CD36: variants seen among roughly 807,000 people sequenced by gnomAD.
The protein encoded by CD36 is platelet glycoprotein 4.
A neutral mutation model predicts 55.2 loss-of-function variants in CD36; 119 were observed. The observed-to-expected ratio is 2.15, with a 90% confidence interval of 1.86 to 2.51. CD36 has a LOEUF of 2.51. Ranked by LOEUF, CD36 falls within the 30% of genes most tolerant of loss-of-function variation. The pLI, the probability that CD36 is intolerant of heterozygous loss-of-function variation, is 0.00. For synonymous variants in CD36, 186 were observed against 193.6 expected (o/e 0.96, Z 0.33); for missense variants, 819 against 555.5 (o/e 1.47, Z -4.77).
At chr7:80,602,465 T>A (rs1323120265) in intron 1 of CD36, 1 of 152,154 alleles carries the variant, frequency 6.6e-6, no homozygotes, top group African/African-American at 2.4e-5. Flanking sequence ...ACTATTATTT[T>A]TGGGCTCTCT....
chr7:80,676,805 T>A lies in CD36; in HGVS notation c.*422T>A, dbSNP rs907418038. On this transcript the variant is annotated 3_prime_UTR_variant, in exon 15 of 15. Transcript: ENST00000447544. Reference sequence around the variant, plus strand: ...CCTCTTCTGGAAATTGAGTAAATTTTGCTTTTTTTTTTTTACTCAGTTGCA... The same window carrying A: ...CCTCTTCTGGAAATTGAGTAAATTTAGCTTTTTTTTTTTTACTCAGTTGCA... 3 of 151,862 alleles carry A rather than the reference T, an allele frequency of 2.0e-5. No individual in the cohort carries two copies. The allele number at this position is 151,862 out of a possible 1,614,324, so 9.4% of individuals were successfully genotyped here. A position where few individuals can be genotyped will look rare whatever the true frequency, so the allele number is the denominator to read the frequency against.
chr7:80,609,459 A>G (rs1276787013), intron 1 of CD36, among the ~76,000 whole-genome samples: 6 of 151,834 alleles, frequency 4.0e-5, no homozygotes, highest in Non-Finnish European at 7.4e-5. Flanking sequence ...CACTCTTCCT[A>G]CCTGAGTGTA....
chr7:80,671,838 T>G, intron 10 of CD36, 84 bp from the exon 11 acceptor site: 1 of 1,240,174 alleles, frequency 8.1e-7, no homozygotes, highest in Non-Finnish European at 1.2e-6. Context: ...GCAAGAAGCT[T>G]TAGTTTTGTG....
intron 8 of CD36, among the ~76,000 whole-genome samples, chr7:80,667,116 A>C (rs1431456462): frequency 6.6e-6 from 1 of 152,168 alleles, no homozygotes. Context: ...CTATTAGTTT[A>C]AGAATTAAGA....
intron 1 of CD36, among the ~76,000 whole-genome samples, chr7:80,642,024 A>G (rs1794852499): frequency 6.6e-6 from 1 of 152,124 alleles, no homozygotes; most frequent in Admixed American, 6.6e-5. Context: ...ATTCTACAAA[A>G]GGAATAGGAT....
At chr7:80,665,662 T>G (rs1320954979) in intron 7 of CD36, among the ~76,000 whole-genome samples, 2 of 152,076 alleles carry the variant, frequency 1.3e-5, no homozygotes, top group Non-Finnish European at 2.9e-5. Flanking sequence ...AGAGTAAGAA[T>G]TTCACATCAT....
intron 1 of CD36, among the ~76,000 whole-genome samples, chr7:80,612,690 C>T (rs1030793188): frequency 1.3e-5 from 2 of 152,094 alleles, no homozygotes; most frequent in African/African-American, 2.4e-5. Context: ...TATTATTCAA[C>T]CATATACTTT....
intron 1 of CD36, among the ~76,000 whole-genome samples, chr7:80,625,873 AG>A (rs1461807038): frequency 6.6e-6 from 1 of 152,150 alleles, no homozygotes; most frequent in Non-Finnish European, 1.5e-5. Context: ...AATACATACC[AG>A]GCACTGACCA....
chr7:80,647,366 T>G (rs1323199715), intron 3 of CD36, among the ~76,000 whole-genome samples: 2 of 152,156 alleles, frequency 1.3e-5, no homozygotes, highest in African/African-American at 2.4e-5. Context: ...AATCCACTAT[T>G]TTTATATATG....
intron 1 of CD36, among the ~76,000 whole-genome samples, chr7:80,622,947 C>G (rs1328954560): frequency 1.3e-5 from 2 of 151,480 alleles, no homozygotes; most frequent in Non-Finnish European, 2.9e-5. Context: ...GCTCTAAAAT[C>G]TATAGCTAGA....
chr7:80,669,565 C>T lies in CD36; in HGVS notation c.749-388C>T, dbSNP rs570136033. 3.9e-4 allele frequency among the ~76,000 whole-genome samples: 59 copies of T among 152,008 alleles called. 1 individual carries two copies. The highest frequency in any genetic ancestry group is 1.3e-3 in the African/African-American group (54 of 41,454). On this transcript the variant is annotated intron_variant, in intron 8 of 14. Coordinates refer to ENST00000447544, the MANE Select transcript of CD36 (RefSeq NM_001001548.3). Reference sequence around the variant, plus strand: ...GCCTCAGGATAGCTGGGATTACGAGCGCCTATCTCAGGATAGCTGAGGCAG... The same window carrying T: ...GCCTCAGGATAGCTGGGATTACGAGTGCCTATCTCAGGATAGCTGAGGCAG...
chr7:80,641,300 C>CTACATTTT (rs1794795209), intron 1 of CD36, among the ~76,000 whole-genome samples: 2 of 152,118 alleles, frequency 1.3e-5, no homozygotes, highest in African/African-American at 4.8e-5. Flanking sequence ...GAATTTGAAT[C>CTACATTTT]TACATTTTTA....
chr7:80,661,983 C>A (rs3212008), intron 5 of CD36, among the ~76,000 whole-genome samples: 2 of 152,182 alleles, frequency 1.3e-5, no homozygotes, highest in East Asian at 1.9e-4. Context: ...TCACAACAGG[C>A]GGGCATTTAT....
At chr7:80,616,457 G>GCACACA (rs149005116) in intron 1 of CD36, among the ~76,000 whole-genome samples, 1 of 148,152 alleles carries the variant, frequency 6.7e-6, no homozygotes. Context: ...GTGCCTGCAC[G>GCACACA]CACACACACA....
At chr7:80,643,942 C>T (rs1794977175) in intron 1 of CD36, among the ~76,000 whole-genome samples, 1 of 152,090 alleles carries the variant, frequency 6.6e-6, no homozygotes, top group South Asian at 2.1e-4. Context: ...ATGAAATGGG[C>T]ATTCAATAAA....
intron 1 of CD36, among the ~76,000 whole-genome samples, chr7:80,611,878 C>T (rs1792894896): frequency 6.6e-6 from 1 of 152,112 alleles, no homozygotes; most frequent in South Asian, 2.1e-4. Flanking sequence ...GTATCTGTGG[C>T]TTGGACAGTG....
At chr7:80,662,657 T>C (rs1490102542) in intron 5 of CD36, 6 of 339,746 alleles carry the variant, frequency 1.8e-5, no homozygotes, top group Non-Finnish European at 2.8e-5. Context: ...ACATGTGCCA[T>C]GGTGCTTTGC....
chr7:80,631,655 G>A (rs557314777), intron 1 of CD36, among the ~76,000 whole-genome samples: 2 of 151,714 alleles, frequency 1.3e-5, no homozygotes, highest in Admixed American at 1.3e-4. Flanking sequence ...GAAGTTCTAA[G>A]ATATTTGTCT....
rs545732186 is a variant in CD36, at chr7:80,667,225, T to C, written c.748+736T>C. Among the ~76,000 whole-genome samples the C allele has an allele frequency of 2.1e-4, 32 of 152,036 alleles. No individual in the cohort carries two copies. The South Asian group carries it at 3.7e-3, about 18-fold the overall frequency. Reference sequence around the variant, plus strand: ...GGTAGACTACTTGTGCCCCGGAGGTTGAGACCAGCCTGGGCAACATAGCAA... The same window carrying C: ...GGTAGACTACTTGTGCCCCGGAGGTCGAGACCAGCCTGGGCAACATAGCAA... On this transcript the variant is annotated intron_variant, in intron 8 of 14. Coordinates refer to ENST00000447544, the MANE Select transcript of CD36 (RefSeq NM_001001548.3).
Sources: gnomAD v4.1 joint callset for allele counts (sites outside exome capture counted in the v4.1 genomes callset) on GRCh38, gnomAD v4.1.1 for gene constraint, MANE v1.5 for transcripts, NCBI Gene and HGNC (gene_info 2026-07-23, HGNC 2026-07-21) for gene names.